Variants in SLC25A26 observed in about 807,000 individuals in gnomAD.
SLC25A26 encodes mitochondrial S-adenosylmethionine carrier protein.
Under a neutral mutation model 37.8 loss-of-function variants are expected in SLC25A26, and 36 were observed. The observed-to-expected ratio is 0.95, with a 90% CI of 0.73 to 1.26. SLC25A26 has a LOEUF of 1.26. Ranked by LOEUF, SLC25A26 falls within the 50% of genes most tolerant of loss-of-function variation. The pLI is 0.00. For synonymous variants in SLC25A26, 129 were observed against 122.5 expected (o/e 1.05, Z -0.35); for missense variants, 390 against 331.1 (o/e 1.18, Z -1.38).
chr3:66,318,669 TG>T (rs1238366109), intron 5 of SLC25A26, among the ~76,000 whole-genome samples: 4 of 146,538 alleles, frequency 2.7e-5, no homozygotes, highest in African/African-American at 4.9e-5. Context: ...AATTTTTTTT[TG>T]TTTTTTTTGA....
chr3:66,308,217 A>G (rs557445482), intron 5 of SLC25A26, among the ~76,000 whole-genome samples: 24 of 152,148 alleles, frequency 1.6e-4, no homozygotes, highest in African/African-American at 5.5e-4. Flanking sequence ...GGTCCTTCAC[A>G]TCTCTTGTAA....
At chr3:66,375,842 T>C (rs1181377334) in intron 9 of SLC25A26, among the ~76,000 whole-genome samples, 1 of 151,968 alleles carries the variant, frequency 6.6e-6, no homozygotes, top group Non-Finnish European at 1.5e-5. Context: ...TTTCAGGTTT[T>C]ATTAAATTTC....
At chr3:66,300,256 GT>G (rs916553948) in intron 5 of SLC25A26, among the ~76,000 whole-genome samples, 6,153 of 116,634 alleles carry the variant, frequency 0.053, 398 homozygotes, top group African/African-American at 0.16. Context: ...TTTTTGTTTT[GT>G]TTTTTTTTTT....
At chr3:66,172,688 G>C (rs914963864) in intron 1 of SLC25A26, among the ~76,000 whole-genome samples, 2 of 152,160 alleles carry the variant, frequency 1.3e-5, no homozygotes, top group African/African-American at 4.8e-5. Flanking sequence ...GGGATAATCT[G>C]TTTTTGCTTC....
chr3:66,228,019 T>A (rs2071837505), intron 1 of SLC25A26, among the ~76,000 whole-genome samples: 1 of 152,252 alleles, frequency 6.6e-6, no homozygotes, highest in Admixed American at 6.5e-5. Context: ...AAATTGAGAA[T>A]TATGCTTCTC....
At chr3:66,348,130 A>C (rs2076369341) in intron 6 of SLC25A26, among the ~76,000 whole-genome samples, 1 of 151,478 alleles carries the variant, frequency 6.6e-6, no homozygotes, top group South Asian at 2.1e-4. Context: ...TGGAACTTCA[A>C]CAACAACAAC....
intron 5 of SLC25A26, among the ~76,000 whole-genome samples, chr3:66,285,720 A>T (rs1173673202): frequency 2.0e-5 from 3 of 151,876 alleles, no homozygotes; most frequent in Non-Finnish European, 2.9e-5. Flanking sequence ...TTGGCCTCCC[A>T]AAGTGCTGGG....
chr3:66,306,786 T>C (rs576080570), intron 5 of SLC25A26, among the ~76,000 whole-genome samples: 1 of 152,354 alleles, frequency 6.6e-6, no homozygotes, highest in East Asian at 1.9e-4. Flanking sequence ...GTTAGTTTGC[T>C]GGGAATGATG....
chr3:66,160,092 T>C (rs1336396205), intron 1 of SLC25A26, among the ~76,000 whole-genome samples: 1 of 152,156 alleles, frequency 6.6e-6, no homozygotes, highest in Non-Finnish European at 1.5e-5. Flanking sequence ...AACCTCTGCC[T>C]CTCAGGCTCA....
Position 66,330,455 on chromosome 3 carries a change from T to A in SLC25A26, c.454-15909T>A, listed in dbSNP as rs142629409. On this transcript the variant is annotated intron_variant, in intron 5 of 9. Transcript: ENST00000354883. ...TGTGTGTGCGTGTTAAATGTTAGTGTACAACAGGAGTAGGATATATATAAA... is the reference window on the plus strand; with the variant it reads ...TGTGTGTGCGTGTTAAATGTTAGTGAACAACAGGAGTAGGATATATATAAA... Among the ~76,000 whole-genome samples the A allele has an allele frequency of 5.8e-3, 888 of 152,310 alleles. 14 individuals carry two copies. The highest frequency in any genetic ancestry group is 0.021 in the African/African-American group (856 of 41,552).
chr3:66,241,197 A>G (rs1022396005), intron 2 of SLC25A26, among the ~76,000 whole-genome samples: 2 of 152,240 alleles, frequency 1.3e-5, no homozygotes, highest in East Asian at 3.9e-4. Context: ...GTGTTCAAGG[A>G]TCACCTGTAC....
chr3:66,210,164 T>C (rs1198301050), intron 1 of SLC25A26, among the ~76,000 whole-genome samples: 2 of 151,228 alleles, frequency 1.3e-5, no homozygotes, highest in African/African-American at 4.9e-5. Context: ...CTATATGATG[T>C]ATCTGGGACT....
intron 5 of SLC25A26, among the ~76,000 whole-genome samples, chr3:66,299,267 C>T (rs1312230396): frequency 1.3e-5 from 2 of 152,174 alleles, no homozygotes; most frequent in African/African-American, 4.8e-5. Context: ...TCTCGACTCA[C>T]TGCAACCTCC....
At chr3:66,201,815 A>G (rs1279856557) in intron 1 of SLC25A26, among the ~76,000 whole-genome samples, 4 of 152,186 alleles carry the variant, frequency 2.6e-5, no homozygotes, top group East Asian at 1.9e-4. Flanking sequence ...TTCTTTTGCA[A>G]CCATAAGCAC....
chr3:66,269,922 C>A (rs371885504), intron 5 of SLC25A26, among the ~76,000 whole-genome samples: 52 of 152,192 alleles, frequency 3.4e-4, no homozygotes, highest in African/African-American at 1.1e-3. Flanking sequence ...GGGTTTTTAC[C>A]TCCTTGTAGG....
intron 1 of SLC25A26, among the ~76,000 whole-genome samples, chr3:66,175,103 G>GTATACATATATA: frequency 2.2e-5 from 1 of 45,774 alleles, no homozygotes; most frequent in South Asian, 6.4e-4. Flanking sequence ...ATGTATATGT[G>GTATACATATATA]TGTGTGTATA....
intron 5 of SLC25A26, among the ~76,000 whole-genome samples, chr3:66,271,284 T>G (rs1272029624): frequency 3.3e-5 from 5 of 152,190 alleles, no homozygotes; most frequent in African/African-American, 1.2e-4. Context: ...AGTTTTCTGT[T>G]TTTCCCTTTT....
At chr3:66,162,949 C>G (rs2070380436) in intron 1 of SLC25A26, among the ~76,000 whole-genome samples, 1 of 152,192 alleles carries the variant, frequency 6.6e-6, no homozygotes, top group Non-Finnish European at 1.5e-5. Context: ...ACAGAGCGAG[C>G]AAAGGGTCAG....
chr3:66,209,085 A>AAT (rs2071232192), intron 1 of SLC25A26, among the ~76,000 whole-genome samples: 1 of 13,492 alleles, frequency 7.4e-5, no homozygotes, highest in African/African-American at 2.4e-4. Context: ...CACCCATATA[A>AAT]AGATGTATAT....
Sources: allele counts gnomAD v4.1 joint callset (sites outside exome capture counted in the v4.1 genomes callset), GRCh38; gene constraint gnomAD v4.1.1; transcripts MANE v1.5; gene names NCBI Gene and HGNC (gene_info 2026-07-23, HGNC 2026-07-21).